DOCK5: variants seen among roughly 807,000 people sequenced by gnomAD.
The protein encoded by DOCK5 is dedicator of cytokinesis 5.
DOCK5 carries 142 observed loss-of-function variants against 251.8 expected under a neutral mutation model. The ratio of observed to expected loss-of-function variants is 0.56; its 90% confidence interval spans 0.49 to 0.65. DOCK5 has a LOEUF of 0.65. DOCK5 is among the 30% of genes least tolerant of loss of function. DOCK5 has a pLI of 0.00. For synonymous variants in DOCK5, 842 were observed against 835.5 expected (o/e 1.01, Z -0.13); for missense variants, 2,111 against 2,312.3 (o/e 0.91, Z 1.79).
intron 28 of DOCK5, among the ~76,000 whole-genome samples, 173 bp downstream of exon 28, chr8:25,359,234 T>C (rs1172236476): frequency 6.6e-6 from 1 of 152,240 alleles, no homozygotes; most frequent in Non-Finnish European, 1.5e-5. Flanking sequence ...TTTCTCTCTT[T>C]GATAGGATTT....
chr8:25,382,667 T>C lies in DOCK5; in HGVS notation c.4027-7T>C. 1 of 1,602,008 alleles carries C rather than the reference T, an allele frequency of 6.2e-7. No homozygotes were observed. The highest frequency in any genetic ancestry group is 8.5e-7 in the Non-Finnish European group (1 of 1,173,858). On this transcript the variant is annotated splice_polypyrimidine_tract_variant and splice_region_variant and intron_variant, in intron 39 of 51. Coordinates refer to ENST00000276440, the MANE Select transcript of DOCK5 (RefSeq NM_024940.8). The stretch of plus-strand genomic sequence containing the variant: ...CTCCCCTTGGAATGTCTTGTTTTGT[T>C]TTCCAGAAAAAAAGGGCCTCATTTT...
At chr8:25,226,965 A>T (rs1026889658) in intron 1 of DOCK5, among the ~76,000 whole-genome samples, 1 of 152,170 alleles carries the variant, frequency 6.6e-6, no homozygotes, top group Non-Finnish European at 1.5e-5. Flanking sequence ...TTAAAAGGTG[A>T]CTAATTATCT....
Position 25,336,366 on chromosome 8 carries a change from T to C in DOCK5, c.2320T>C (p.Tyr774His). Residue 774 changes from tyrosine (Y) to histidine (H), a missense_variant, in exon 22 of 52, where the codon TAC (tyrosine) becomes CAC (histidine). This residue lies in a region of DOCK5 where 1,717 missense variants were observed against 1,892.4 expected (regional missense o/e 0.91). Transcript: ENST00000276440. ...FRFIIQSRVL[Y>H]LRFYGQSKDG... ...ATTCATCATCCAATCCCGAGTGCTC[T>C]ACTTGAGGTAATGTTAACTGCAGTG... The C allele has an allele frequency of 6.2e-7, 1 of 1,613,590 alleles. No homozygotes were observed. The highest frequency in any genetic ancestry group is 8.5e-7 in the Non-Finnish European group (1 of 1,179,524).
rs115632638 is a variant in DOCK5, at chr8:25,273,691, G to A, written c.169-1695G>A. On this transcript the variant is annotated intron_variant, in intron 3 of 51. Coordinates refer to ENST00000276440, the MANE Select transcript of DOCK5 (RefSeq NM_024940.8). ...TTTCACTTCGATGGTGTGCCTATGC[G>A]TGTATGTTTTATACTGATAGAATTC... Among the ~76,000 whole-genome samples, 383 of 152,322 alleles carry A rather than the reference G, an allele frequency of 2.5e-3. 2 individuals carry two copies. The highest frequency in any genetic ancestry group is 8.9e-3 in the African/African-American group (368 of 41,574).
chr8:25,336,505 G>T, intron 22 of DOCK5, 132 bp downstream of exon 22: 2 of 1,201,726 alleles, frequency 1.7e-6, no homozygotes, highest in Non-Finnish European at 2.3e-6. Flanking sequence ...AGAACTGCAG[G>T]GCTGAAGATG....
At chr8:25,203,948 G>A (rs1269453977) in intron 1 of DOCK5, among the ~76,000 whole-genome samples, 2 of 121,966 alleles carry the variant, frequency 1.6e-5, no homozygotes, top group East Asian at 4.4e-4. Context: ...ACAGATGGAG[G>A]AAATAGAAAT....
At chr8:25,336,758 G>A (rs1337256484) in intron 22 of DOCK5, among the ~76,000 whole-genome samples, 3 of 152,232 alleles carry the variant, frequency 2.0e-5, no homozygotes, top group Non-Finnish European at 2.9e-5. Flanking sequence ...TTTCCTTGTT[G>A]ACACTGTGCT....
chr8:25,210,035 A>AT (rs1802087244), intron 1 of DOCK5, among the ~76,000 whole-genome samples: 1 of 11,714 alleles, frequency 8.5e-5, no homozygotes, highest in Non-Finnish European at 3.0e-4. Flanking sequence ...TATATATATA[A>AT]ATGTGTGTGT....
Position 25,392,871 on chromosome 8 carries a change from C to G in DOCK5, c.4516C>G (p.Gln1506Glu). The change falls in exon 44 of 52, where the codon CAG becomes GAG. Residue 1506 changes from glutamine (Q) to glutamate (E), a missense_variant. By Grantham distance (29) the Gln-to-Glu change is conservative. Coordinates refer to ENST00000276440, the MANE Select transcript of DOCK5 (RefSeq NM_024940.8). ...GATTCTCAAGTGGTTTGAAGTCAAA[C>G]AGATTTCAACAGTGAGTCATTTGAA... ...PGILKWFEVK[Q>E]ISTEEISPLE... The G allele has an allele frequency of 3.1e-6, 5 of 1,610,674 alleles. No homozygotes were observed. The South Asian group carries it at 5.5e-5, about 18-fold the overall frequency.
intron 2 of DOCK5, among the ~76,000 whole-genome samples, chr8:25,254,329 G>A (rs1433160172): frequency 6.6e-6 from 1 of 152,050 alleles, no homozygotes; most frequent in East Asian, 1.9e-4. Flanking sequence ...TTTGATATGG[G>A]GGTAACTTTT....
At chr8:25,283,466 G>A (rs183338610) in intron 5 of DOCK5, among the ~76,000 whole-genome samples, 13 of 152,268 alleles carry the variant, frequency 8.5e-5, no homozygotes, top group East Asian at 3.9e-4. Flanking sequence ...CGTGTTGACC[G>A]CGTAGAACTC....
chr8:25,304,636 T>A (rs1344928337), intron 11 of DOCK5: 2 of 275,906 alleles, frequency 7.2e-6, no homozygotes, highest in Non-Finnish European at 1.3e-5. Context: ...CCAAAATATA[T>A]GTGCAGTCTA....
At chr8:25,310,577 C>T (rs370510635) in intron 13 of DOCK5, 45 bp downstream of exon 13, 30 of 1,540,736 alleles carry the variant, frequency 1.9e-5, no homozygotes, top group African/African-American at 9.7e-5. Context: ...TCCTGTTCAG[C>T]GATTATTTCT....
chr8:25,283,158 C>T (rs1276921795), intron 5 of DOCK5, among the ~76,000 whole-genome samples: 2 of 152,150 alleles, frequency 1.3e-5, no homozygotes, highest in African/African-American at 4.8e-5. Context: ...AGTATGTACA[C>T]AGAACAGAGG....
intron 27 of DOCK5, among the ~76,000 whole-genome samples, chr8:25,354,540 C>T (rs1021543350): frequency 3.9e-5 from 6 of 152,050 alleles, no homozygotes; most frequent in South Asian, 2.1e-4. Flanking sequence ...GCCGTGCTTC[C>T]GCTAACATGA....
intron 14 of DOCK5, among the ~76,000 whole-genome samples, chr8:25,318,592 C>CTTTT (rs546657586): frequency 1.1e-5 from 1 of 88,248 alleles, no homozygotes; most frequent in Non-Finnish European, 2.1e-5. Flanking sequence ...TTCTTTCCTT[C>CTTTT]TTTTTTTTTT....
rs565019815 is a variant in DOCK5 at position 25,278,489 on chromosome 8, C to T, written c.225-80C>T. The T allele has an allele frequency of 1.1e-4, 152 of 1,376,600 alleles. No individual in the cohort carries two copies. In the East Asian group the frequency reaches 1.5e-3, roughly 13 times the overall value. The allele number at this position is 1,376,600 out of a possible 1,614,324, so 85.3% of individuals were successfully genotyped here. On this transcript the variant is annotated intron_variant, in intron 4 of 51. Coordinates refer to ENST00000276440, the MANE Select transcript of DOCK5 (RefSeq NM_024940.8). Reference sequence around the variant, plus strand: ...AACCAGCTTCATTCTCAACCTTGAACGTTGGGAAGTCTGATCCCCATCAAG... The same window carrying T: ...AACCAGCTTCATTCTCAACCTTGAATGTTGGGAAGTCTGATCCCCATCAAG...
chr8:25,228,544 C>G (rs1317438974), intron 1 of DOCK5, among the ~76,000 whole-genome samples: 2 of 152,166 alleles, frequency 1.3e-5, no homozygotes, highest in Non-Finnish European at 2.9e-5. Context: ...CTTTGAGTTA[C>G]AGACAGATTA....
chr8:25,334,466 A>T (rs1382237697), intron 21 of DOCK5, among the ~76,000 whole-genome samples: 1 of 152,168 alleles, frequency 6.6e-6, no homozygotes, highest in Non-Finnish European at 1.5e-5. Flanking sequence ...CATACCTGCA[A>T]TTCCAGCACT....
Sources: gnomAD v4.1 joint callset for allele counts (sites outside exome capture counted in the v4.1 genomes callset) on GRCh38, gnomAD v4.1.1 for gene constraint, gnomAD v4.1.1 regional missense constraint, MANE v1.5 for transcripts, NCBI Gene and HGNC (gene_info 2026-07-23, HGNC 2026-07-21) for gene names.